FAT2: variants seen among roughly 807,000 people sequenced by gnomAD.
The protein encoded by FAT2 is FAT atypical cadherin 2.
FAT2 carries 150 observed loss-of-function variants against 295.3 expected under a neutral mutation model. The ratio of observed to expected loss-of-function variants is 0.51; its 90% CI spans 0.44 to 0.58. FAT2 has a LOEUF of 0.58. FAT2 is among the 20% of genes least tolerant of loss of function. The probability of loss-of-function intolerance (pLI) is 0.00; values close to 1 mark genes in which losing one functional copy is unlikely to be tolerated. For synonymous variants in FAT2, 2,026 were observed against 2,150.3 expected (o/e 0.94, Z 1.60); for missense variants, 4,868 against 5,442.7 (o/e 0.89, Z 3.32).
At chr5:151,589,970 A>T (rs1468844692) in intron 1 of FAT2, among the ~76,000 whole-genome samples, 1 of 152,174 alleles carries the variant, frequency 6.6e-6, no homozygotes, top group Non-Finnish European at 1.5e-5. Context: ...ATGTTCAGAC[A>T]TAGGCCCAGA....
intron 17 of FAT2, 99 bp from the exon 18 acceptor site, chr5:151,526,064 C>T (rs1753952350): frequency 8.9e-7 from 1 of 1,120,478 alleles, no homozygotes; most frequent in Non-Finnish European, 1.3e-6. Flanking sequence ...GTCCTCAGCA[C>T]TCTGACTGCT....
In FAT2 at chr5:151,521,339, T is replaced by A. The variant is rs1360087559; in HGVS notation, c.11254A>T (p.Ser3752Cys). The change falls in exon 19 of 24, where the codon AGC becomes TGC. Residue 3752 changes from serine (S) to cysteine (C), a missense_variant. Physicochemically the swap from Ser to Cys is moderately radical, Grantham distance 112 (BLOSUM62 -1). This residue lies in a region of FAT2 where 1,046 missense variants were observed against 1,210.1 expected (regional missense o/e 0.86). Transcript: ENST00000261800. ...GTTAGGATGCTGAGCCTGGCGGTGC[T>A]GTACGTGGGCCCAACCTTGGGGTCC... is the stretch of plus-strand genomic sequence containing the variant. ...HLDPKVGPTY[S>C]TARLSILTPR... 1 of 1,614,144 alleles carries A rather than the reference T, an allele frequency of 6.2e-7. No individual in the cohort carries two copies. The highest frequency in any genetic ancestry group is 8.5e-7 in the Non-Finnish European group (1 of 1,179,958).
Position 151,521,952 on chromosome 5 carries a change from A to C in FAT2, c.10641T>G (p.Gly3547=), listed in dbSNP as rs776256984. The change falls in exon 19 of 24, where the codon GGT becomes GGG. Residue 3547 remains glycine (G), a synonymous_variant. Transcript: ENST00000261800. ...FITVGEDEFQ[G]GMVGKIHATD... ...TGGCATGGATCTTACCCACCATGCC[A>C]CCCTGGAACTCATCCTCTCCAACAG... 2.5e-6 allele frequency: 4 copies of C among 1,613,862 alleles called. No individual in the cohort carries two copies. The highest frequency in any genetic ancestry group is 3.4e-6 in the Non-Finnish European group (4 of 1,179,990).
intron 4 of FAT2, among the ~76,000 whole-genome samples, chr5:151,555,175 G>A (rs74884408): frequency 2.9e-4 from 44 of 152,192 alleles, no homozygotes; most frequent in East Asian, 2.7e-3. Context: ...TAATGCAGAG[G>A]CAAATAATCA....
At chr5:151,592,609 A>C (rs1759456435), upstream of FAT2, among the ~76,000 whole-genome samples, 1 of 152,220 alleles carries the variant, frequency 6.6e-6, no homozygotes, top group Non-Finnish European at 1.5e-5. Flanking sequence ...ATAAATAAGA[A>C]TTATTCATAC....
intron 1 of FAT2, among the ~76,000 whole-genome samples, chr5:151,572,476 T>C (rs1758570694): frequency 6.6e-6 from 1 of 152,238 alleles, no homozygotes; most frequent in African/African-American, 2.4e-5. Context: ...GAAAGAGCTG[T>C]GGTCACTTAT....
chr5:151,505,633 G>C lies in FAT2; in HGVS notation c.12982C>G (p.Pro4328Ala), dbSNP rs1411008860. 1 of 1,614,132 alleles carries C rather than the reference G, an allele frequency of 6.2e-7. No homozygotes were observed. The highest frequency in any genetic ancestry group is 1.1e-5 in the South Asian group (1 of 91,082). The change falls in exon 24 of 24, where the codon CCC becomes GCC. Residue 4328 changes from proline to alanine, a missense_variant. Pro to Ala is a conservative substitution (Grantham distance 27). Transcript: ENST00000261800. Reference sequence around the variant, plus strand: ...ATGTCAGAGCCCTCATAGTTGGGGGGCACCCGGGGCTGGCCCTGGCCTGCA... The same window carrying C: ...ATGTCAGAGCCCTCATAGTTGGGGGCCACCCGGGGCTGGCCCTGGCCTGCA... The part of the protein sequence containing the change: ...PLAGQGQPRV[P>A]PNYEGSDMVE...
At position 151,553,182 on chromosome 5, in the gene FAT2, A is replaced by G; in HGVS notation, c.4151T>C (p.Ile1384Thr). ...EGRPGLFWFNISGGDKDMDFD... is the reference protein window; with the variant it reads ...EGRPGLFWFNTSGGDKDMDFD... ...GGCCCTAGGCCTTGCCTCACCTGAG[A>G]TGTTGAACCAGAAGAGTCCGGGTCT... Residue 1384 changes from isoleucine (I) to threonine (T), a missense_variant, in exon 6 of 24, where the codon ATC becomes ACC. Around this residue, in one of 5 missense-constraint regions of FAT2, gnomAD observed 3,297 missense variants for 3,669.4 expected, o/e 0.90. Coordinates refer to ENST00000261800, the MANE Select transcript of FAT2 (RefSeq NM_001447.3). 2.5e-6 allele frequency: 4 copies of G among 1,614,204 alleles called. No individual in the cohort carries two copies. The highest frequency in any genetic ancestry group is 3.4e-6 in the Non-Finnish European group (4 of 1,180,026).
Position 151,563,459 on chromosome 5 carries a change from T to C in FAT2, c.3440A>G (p.Gln1147Arg). The C allele has an allele frequency of 1.2e-6, 2 of 1,614,198 alleles. No homozygotes were observed. Among genetic ancestry groups the C allele is most frequent in the Non-Finnish European group, 1.7e-6 (2 of 1,180,028 alleles). The change falls in exon 3 of 24, where the codon CAG becomes CGG. Residue 1147 changes from glutamine (Q) to arginine (R), a missense_variant. Transcript: ENST00000261800. ...AGAGGTGCCCACGGGAGCATCCTCC[T>C]GGATGGAGGGGTAGAACACAGCTTG... ...MSQAVFYPSI[Q>R]EDAPVGTSVL... is the part of the protein sequence containing the mutation.
rs1199210774 is a variant in FAT2, at chr5:151,568,723, C to T, written c.209G>A (p.Arg70Lys). The change falls in exon 2 of 24, where the codon AGG becomes AAG. Residue 70 changes from arginine to lysine, a missense_variant. This residue lies in a region of FAT2 where 3,297 missense variants were observed against 3,669.4 expected (regional missense o/e 0.90). Transcript: ENST00000261800. ...IYLAEPQWAV[R>K]YRIISGDVAN... ...CACATCCCCAGAGATGATCCGGTAC[C>T]TCACTGCCCACTGTGGCTCCGCGAG... The T allele has an allele frequency of 1.9e-6, 3 of 1,614,194 alleles. No homozygotes were observed. The highest frequency in any genetic ancestry group is 2.5e-6 in the Non-Finnish European group (3 of 1,180,042).
intron 22 of FAT2, among the ~76,000 whole-genome samples, chr5:151,508,167 C>A (rs188966973): frequency 6.6e-6 from 1 of 152,296 alleles, no homozygotes; most frequent in African/African-American, 2.4e-5. Context: ...ACTTCTGTGG[C>A]CAGCTTTATC....
intron 19 of FAT2, among the ~76,000 whole-genome samples, chr5:151,520,504 T>A (rs938264509): frequency 6.6e-6 from 1 of 152,134 alleles, no homozygotes; most frequent in East Asian, 1.9e-4. Flanking sequence ...CTACACAGAG[T>A]GTGGCGTACA....
rs1177745747 is a variant in FAT2, at chr5:151,567,968, A to G, written c.964T>C (p.Trp322Arg). The part of the protein sequence containing the change: ...FSLVSVKDIN[W>R]MEYLHGFNLS... ...TTGAACCCATGAAGGTACTCCATCC[A>G]GTTGATGTCTTTGACAGACACCAAA... Residue 322 changes from tryptophan to arginine, a missense_variant, in exon 2 of 24, where the codon TGG becomes CGG. Coordinates refer to ENST00000261800, the MANE Select transcript of FAT2 (RefSeq NM_001447.3). 3 of 1,614,224 alleles carry G rather than the reference A, an allele frequency of 1.9e-6. No individual in the cohort carries two copies. Among genetic ancestry groups the G allele is most frequent in the Admixed American group, 1.7e-5 (1 of 60,028 alleles).
intron 12 of FAT2, among the ~76,000 whole-genome samples, chr5:151,535,357 G>A (rs1755152579): frequency 6.6e-6 from 1 of 151,706 alleles, no homozygotes. Context: ...TTTTCTAATT[G>A]TGGGTTTTAA....
At chr5:151,516,148 C>A (rs1230832298) in intron 20 of FAT2, among the ~76,000 whole-genome samples, 1 of 152,174 alleles carries the variant, frequency 6.6e-6, no homozygotes, top group African/African-American at 2.4e-5. Flanking sequence ...ACTTTCTCAC[C>A]CTCTCCAAAT....
At chr5:151,533,089 C>T (rs966219883) in intron 13 of FAT2, among the ~76,000 whole-genome samples, 1 of 152,126 alleles carries the variant, frequency 6.6e-6, no homozygotes, top group Non-Finnish European at 1.5e-5. Flanking sequence ...TAAGGCCACT[C>T]TAGGAGCTAT....
intron 22 of FAT2, among the ~76,000 whole-genome samples, chr5:151,508,897 T>G (rs1385840235): frequency 1.3e-5 from 2 of 152,120 alleles, no homozygotes; most frequent in East Asian, 3.9e-4. Context: ...CTAGGCCCAT[T>G]CTTGGAGATT....
chr5:151,506,747 C>A (rs1004367805), intron 23 of FAT2, among the ~76,000 whole-genome samples: 2 of 152,252 alleles, frequency 1.3e-5, no homozygotes, highest in African/African-American at 4.8e-5. Flanking sequence ...GATATTCCCC[C>A]TCTAGGTCAG....
intron 1 of FAT2, among the ~76,000 whole-genome samples, chr5:151,588,158 C>A (rs1250668905): frequency 6.6e-6 from 1 of 151,924 alleles, no homozygotes; most frequent in Admixed American, 6.6e-5. Context: ...TGTGTTGGTG[C>A]ATGTTGAGAG....
Sources: gnomAD v4.1 joint callset for allele counts (sites outside exome capture counted in the v4.1 genomes callset) on GRCh38, gnomAD v4.1.1 for gene constraint, gnomAD v4.1.1 regional missense constraint, MANE v1.5 for transcripts, NCBI Gene and HGNC (gene_info 2026-07-23, HGNC 2026-07-21) for gene names.